The following NID1 variants were observed in gnomAD, a reference collection of about 807,000 sequenced individuals.
NID1 encodes the protein nidogen-1.
Under a neutral mutation model 130.6 loss-of-function variants are expected in NID1, and 76 were observed. The observed-to-expected ratio is 0.58, with a 90% confidence interval of 0.48 to 0.70. The LOEUF (loss-of-function observed/expected upper bound fraction) is 0.70. Among genes scored for constraint, NID1 ranks in the 30% least tolerant of loss-of-function variants. The probability of loss-of-function intolerance (pLI) is 0.00; values close to 1 mark genes in which losing one functional copy is unlikely to be tolerated. For synonymous variants in NID1, 665 were observed against 675.1 expected (o/e 0.98, Z 0.23); for missense variants, 1,517 against 1,664.8 (o/e 0.91, Z 1.54).
At chr1:236,026,788 G>T (rs1387047156) in intron 7 of NID1, among the ~76,000 whole-genome samples, 1 of 150,474 alleles carries the variant, frequency 6.6e-6, no homozygotes, top group Non-Finnish European at 1.5e-5. Flanking sequence ...ACCCAGGCTG[G>T]AGAGCAGTGG....
chr1:235,982,136 G>A (rs753554751), intron 15 of NID1, among the ~76,000 whole-genome samples: 4 of 152,204 alleles, frequency 2.6e-5, no homozygotes, highest in Non-Finnish European at 4.4e-5. Flanking sequence ...GGGGAGAACA[G>A]GGAGGGGTTC....
intron 2 of NID1, among the ~76,000 whole-genome samples, chr1:236,048,429 C>G (rs1280472507): frequency 2.0e-5 from 3 of 152,102 alleles, no homozygotes; most frequent in African/African-American, 7.2e-5. Flanking sequence ...ATTTATCAAC[C>G]CTATTTTTGC....
chr1:236,043,911 A>T (rs1659526157), intron 3 of NID1, among the ~76,000 whole-genome samples: 1 of 152,258 alleles, frequency 6.6e-6, no homozygotes, highest in Non-Finnish European at 1.5e-5. Context: ...AGCAAATGAG[A>T]TACAAAATCC....
intron 12 of NID1, among the ~76,000 whole-genome samples, chr1:236,005,681 T>C (rs1396217779): frequency 2.0e-5 from 3 of 152,214 alleles, no homozygotes; most frequent in Non-Finnish European, 4.4e-5. Context: ...CATATTATTT[T>C]AGGGAGGCAT....
At chr1:236,058,557 T>C (rs1373323424) in intron 1 of NID1, among the ~76,000 whole-genome samples, 1 of 152,248 alleles carries the variant, frequency 6.6e-6, no homozygotes, top group Non-Finnish European at 1.5e-5. Flanking sequence ...TTTCCCATCT[T>C]AGAAAGCACT....
chr1:235,978,233 C>T (rs929833640), intron 19 of NID1, among the ~76,000 whole-genome samples: 4 of 152,212 alleles, frequency 2.6e-5, no homozygotes, highest in Non-Finnish European at 4.4e-5. Flanking sequence ...AGATTTTCTA[C>T]TAAGGCTATT....
rs373712862 is a variant in NID1 at position 236,007,140 on chromosome 1, C to T, written c.2527+4781G>A. Among the ~76,000 whole-genome samples the T allele has an allele frequency of 2.8e-4, 43 of 152,292 alleles. 1 individual carries two copies. The South Asian group carries it at 7.9e-3, about 28-fold the overall frequency. On this transcript the variant is annotated intron_variant, in intron 12 of 19. Coordinates refer to ENST00000264187, the MANE Select transcript of NID1 (RefSeq NM_002508.3). ...CCAGGCTCAAGTGATGCTCTTGCCTCGGCCTTGTGAATAGCTGGAACTACA... is the reference window on the plus strand; with the variant it reads ...CCAGGCTCAAGTGATGCTCTTGCCTTGGCCTTGTGAATAGCTGGAACTACA...
At chr1:236,033,061 A>G (rs961926321) in intron 5 of NID1, among the ~76,000 whole-genome samples, 1 of 152,228 alleles carries the variant, frequency 6.6e-6, no homozygotes, top group Non-Finnish European at 1.5e-5. Flanking sequence ...TAATCCCAGC[A>G]CTTTGGGAGG....
intron 3 of NID1, among the ~76,000 whole-genome samples, 192 bp downstream of exon 3, chr1:236,045,265 A>G (rs1319669512): frequency 6.6e-6 from 1 of 152,034 alleles, no homozygotes. Context: ...TATCTAAAAA[A>G]TAGGATATCT....
intron 3 of NID1, among the ~76,000 whole-genome samples, chr1:236,043,084 C>T (rs73115292): frequency 0.015 from 2,298 of 152,312 alleles, 65 homozygotes; most frequent in African/African-American, 0.053. Flanking sequence ...TACTCAGAGA[C>T]GGCATAGAAA....
At chr1:236,038,989 A>G (rs1659358077) in intron 4 of NID1, among the ~76,000 whole-genome samples, 1 of 95,056 alleles carries the variant, frequency 1.1e-5, no homozygotes. Context: ...ATATGTACAT[A>G]TACATATATG....
intron 5 of NID1, 66 bp downstream of exon 5, chr1:236,038,038 G>A (rs1659311942): frequency 3.9e-6 from 6 of 1,528,202 alleles, no homozygotes; most frequent in Non-Finnish European, 5.3e-6. Context: ...CATGGAAAAC[G>A]AGCACCAAAA....
rs1474079196 is a variant in NID1 at position 235,979,352 on chromosome 1, C to T, written c.3510-245G>A. Among the ~76,000 whole-genome samples, 1 of 152,164 alleles carries T rather than the reference C, an allele frequency of 6.6e-6. No homozygotes were observed. The highest frequency in any genetic ancestry group is 2.4e-5 in the African/African-American group (1 of 41,422). On this transcript the variant is annotated intron_variant, in intron 18 of 19. Transcript: ENST00000264187. This position sits in a 1 kb window ranked among gnomAD's most constrained non-coding sequence, Gnocchi z 4.6. The stretch of plus-strand genomic sequence containing the variant: ...CTCTAGATCCCAGGCAGGAAATGAG[C>T]TTTCTAGACAGATGCCCCTGGCCAG...
At position 236,045,060 on chromosome 1, in the gene NID1, A is replaced by G. The variant is rs1453842162; in HGVS notation, c.752+397T>C. Among the ~76,000 whole-genome samples, 11 of 152,142 alleles carry G rather than the reference A, an allele frequency of 7.2e-5. No homozygotes were observed. In the East Asian group the frequency reaches 1.4e-3, roughly 19 times the overall value. ...CTAAAAATACAAGAATTAGCTGGGCATGGTGGCACACACCTGTAATCCCAG... is the reference window on the plus strand; with the variant it reads ...CTAAAAATACAAGAATTAGCTGGGCGTGGTGGCACACACCTGTAATCCCAG... On this transcript the variant is annotated intron_variant, in intron 3 of 19. Coordinates refer to ENST00000264187, the MANE Select transcript of NID1 (RefSeq NM_002508.3).
intron 3 of NID1, among the ~76,000 whole-genome samples, chr1:236,043,406 G>A (rs193002742): frequency 3.9e-5 from 6 of 152,182 alleles, no homozygotes; most frequent in Admixed American, 2.6e-4. Flanking sequence ...TAGGACACCC[G>A]GCTGGTGTGC....
intron 1 of NID1, chr1:236,060,648 A>G (rs909171253): frequency 6.6e-6 from 1 of 152,014 alleles, no homozygotes; most frequent in East Asian, 1.9e-4. Flanking sequence ...TCTACCTGAG[A>G]TTACTTTCCA....
chr1:235,988,491 A>G (rs1039288668), intron 14 of NID1, among the ~76,000 whole-genome samples: 1 of 152,246 alleles, frequency 6.6e-6, no homozygotes, highest in Non-Finnish European at 1.5e-5. Flanking sequence ...AAAATTAAAT[A>G]TAGAATTACT....
In NID1 at chr1:236,042,101, T is replaced by C; in HGVS notation, c.944A>G (p.Tyr315Cys). The C allele has an allele frequency of 6.2e-7, 1 of 1,614,088 alleles. No individual in the cohort carries two copies. The highest frequency in any genetic ancestry group is 8.5e-7 in the Non-Finnish European group (1 of 1,180,016). The change falls in exon 4 of 20, where the codon TAC becomes TGC. Residue 315 changes from tyrosine to cysteine, a missense_variant. Physicochemically the swap from Tyr to Cys is radical, Grantham distance 194. This residue lies in a region of NID1 where 1,329 missense variants were observed against 1,429.2 expected (regional missense o/e 0.93). Coordinates refer to ENST00000264187, the MANE Select transcript of NID1 (RefSeq NM_002508.3). ...LEDVGTTPFSYKALRRGGADT... is the reference protein window; with the variant it reads ...LEDVGTTPFSCKALRRGGADT... ...AGCACCTCCCCTTCTCAGAGCCTTG[T>C]AGGAGAAGGGCGTGGTGCCCACATC...
At position 236,024,026 on chromosome 1, in the gene NID1, C is replaced by T. The variant is rs374268520; in HGVS notation, c.2128+44G>A. The T allele has an allele frequency of 5.2e-5, 83 of 1,607,330 alleles. No individual in the cohort carries two copies. In the African/African-American group the frequency reaches 9.2e-4, roughly 18 times the overall value. On this transcript the variant is annotated intron_variant, in intron 9 of 19. Coordinates refer to ENST00000264187, the MANE Select transcript of NID1 (RefSeq NM_002508.3). The stretch of plus-strand genomic sequence containing the variant: ...TTACAGAACGTGGATGCCTCCTCCT[C>T]GCCTGATTTCCCAGCCCCAACAAGT...
Sources: allele counts gnomAD v4.1 joint callset (sites outside exome capture counted in the v4.1 genomes callset), GRCh38; gene constraint gnomAD v4.1.1; regional missense constraint gnomAD v4.1.1; non-coding constraint Gnocchi (gnomAD v3.1); transcripts MANE v1.5; gene names NCBI Gene and HGNC (gene_info 2026-07-23, HGNC 2026-07-21).